Variants in BMP2K observed in about 807,000 individuals in gnomAD.
BMP2K encodes BMP2 inducible kinase.
In BMP2K, 74 loss-of-function variants were observed where a neutral mutation model predicts 116.0. The ratio of observed to expected loss-of-function variants is 0.64; its 90% confidence interval spans 0.53 to 0.77. BMP2K has a LOEUF of 0.77. Ranked by LOEUF, BMP2K falls within the 30% of genes least tolerant of loss-of-function variation. The probability of loss-of-function intolerance (pLI) is 0.00; values close to 1 mark genes in which losing one functional copy is unlikely to be tolerated. For synonymous variants in BMP2K, 486 were observed against 502.5 expected (o/e 0.97, Z 0.44); for missense variants, 1,365 against 1,403.6 (o/e 0.97, Z 0.44).
At chr4:78,860,770 C>CTTTTTTTTTT (rs139384663) in intron 8 of BMP2K, among the ~76,000 whole-genome samples, 2 of 101,920 alleles carry the variant, frequency 2.0e-5, no homozygotes, top group Non-Finnish European at 3.8e-5. Flanking sequence ...GGTACCTTTC[C>CTTTTTTTTTT]TTTTTTTTTT....
chr4:78,914,579 A>C lies in BMP2K; in HGVS notation c.*2546A>C, dbSNP rs918083201. 8 of 151,944 alleles carry C rather than the reference A, an allele frequency of 5.3e-5. No homozygotes were observed. The highest frequency in any genetic ancestry group is 1.7e-4 in the African/African-American group (7 of 41,410). 9.4% of individuals were successfully genotyped at this position (151,944 alleles called of 1,614,324 possible). On this transcript the variant is annotated 3_prime_UTR_variant, in exon 16 of 16. Transcript: ENST00000502613. The stretch of plus-strand genomic sequence containing the variant: ...GTTATTCCCTTGTGAGAATTATGAG[A>C]ATAAAGCTCCCAAGATATGTGAAAG...
intron 15 of BMP2K, 64 bp from the exon 16 acceptor site, chr4:78,910,546 A>T (rs1734532884): frequency 7.7e-7 from 1 of 1,293,984 alleles, no homozygotes; most frequent in Non-Finnish European, 1.0e-6. Context: ...ACATATTAAC[A>T]TTTAGTGCAA....
At chr4:78,909,422 A>G (rs1734463807) in intron 15 of BMP2K, among the ~76,000 whole-genome samples, 1 of 151,976 alleles carries the variant, frequency 6.6e-6, no homozygotes, top group Non-Finnish European at 1.5e-5. Context: ...TCCATTATAC[A>G]TGGAATTTTG....
chr4:78,827,519 G>A (rs570922995), intron 2 of BMP2K, among the ~76,000 whole-genome samples: 1 of 152,242 alleles, frequency 6.6e-6, no homozygotes, highest in East Asian at 1.9e-4. Flanking sequence ...TTCATCCTAT[G>A]TCTGCACTGC....
chr4:78,794,915 T>C (rs1207255991), intron 1 of BMP2K, among the ~76,000 whole-genome samples: 1 of 152,200 alleles, frequency 6.6e-6, no homozygotes, highest in Non-Finnish European at 1.5e-5. Flanking sequence ...ATAAGAGGGA[T>C]TATATGAATA....
chr4:78,878,684 TTTTAA>T (rs761832386), intron 13 of BMP2K, 45 bp from the exon 14 acceptor site: 1 of 1,426,796 alleles, frequency 7.0e-7, no homozygotes, highest in East Asian at 2.4e-5. Flanking sequence ...TTTTTATTTA[TTTTAA>T]TTTTTCTTTC....
intron 9 of BMP2K, among the ~76,000 whole-genome samples, chr4:78,861,817 T>C (rs1405646146): frequency 6.6e-6 from 1 of 151,932 alleles, no homozygotes; most frequent in East Asian, 1.9e-4. Context: ...ATTTTTTTAA[T>C]TTAAGGAAAG....
chr4:78,896,126 T>C (rs1733686795), intron 15 of BMP2K, among the ~76,000 whole-genome samples: 1 of 152,144 alleles, frequency 6.6e-6, no homozygotes, highest in Non-Finnish European at 1.5e-5. Context: ...TTTATGAATC[T>C]ATAACCTAAC....
chr4:78,837,047 T>G (rs917484008), intron 3 of BMP2K, among the ~76,000 whole-genome samples: 2 of 152,164 alleles, frequency 1.3e-5, no homozygotes, highest in Non-Finnish European at 2.9e-5. Flanking sequence ...TCAAATGTTC[T>G]GAGCTTTCTA....
intron 8 of BMP2K, among the ~76,000 whole-genome samples, chr4:78,860,928 T>C (rs974936904): frequency 2.0e-5 from 3 of 151,824 alleles, no homozygotes; most frequent in East Asian, 1.9e-4. Context: ...GAACTAAACA[T>C]TGGGTATAGA....
chr4:78,859,891 TGCA>T (rs1226268694), intron 8 of BMP2K: 14 of 573,578 alleles, frequency 2.4e-5, no homozygotes, highest in Admixed American at 1.8e-4. Flanking sequence ...CTTGGGGAGC[TGCA>T]GCAGACTCAG....
Position 78,861,393 on chromosome 4 carries a change from C to A in BMP2K, c.992C>A (p.Ser331Tyr), listed in dbSNP as rs1731781027. 2 of 1,592,202 alleles carry A rather than the reference C, an allele frequency of 1.3e-6. No individual in the cohort carries two copies. The highest frequency in any genetic ancestry group is 1.1e-5 in the South Asian group (1 of 87,522). The change falls in exon 9 of 16, where the codon TCT becomes TAT. Residue 331 changes from serine (S) to tyrosine (Y), a missense_variant. Ser to Tyr is a moderately radical substitution (Grantham distance 144). Transcript: ENST00000502613. ...KDCPVSNINN[S>Y]SIPSALPEPM... ...TTTTATTTTTTTTCTTCCAAGAATTCTTCTATTCCTTCAGCTCTTCCTGAA... is the reference window on the plus strand; with the variant it reads ...TTTTATTTTTTTTCTTCCAAGAATTATTCTATTCCTTCAGCTCTTCCTGAA...
At chr4:78,848,002 A>G (rs916867578) in intron 6 of BMP2K, among the ~76,000 whole-genome samples, 4 of 151,684 alleles carry the variant, frequency 2.6e-5, no homozygotes, top group Non-Finnish European at 5.9e-5. Flanking sequence ...AGAAAAGGTC[A>G]GATTTATTTT....
intron 1 of BMP2K, among the ~76,000 whole-genome samples, chr4:78,815,006 A>G (rs1729266290): frequency 6.6e-6 from 1 of 152,148 alleles, no homozygotes; most frequent in African/African-American, 2.4e-5. Context: ...TGAACACTCC[A>G]ACTTTAAGAG....
At chr4:78,840,345 A>T (rs1730699142) in intron 3 of BMP2K, among the ~76,000 whole-genome samples, 1 of 152,142 alleles carries the variant, frequency 6.6e-6, no homozygotes, top group Non-Finnish European at 1.5e-5. Context: ...CAGAGCTCCC[A>T]TACAAAGGGA....
At chr4:78,827,903 C>A (rs1230287036) in intron 2 of BMP2K, among the ~76,000 whole-genome samples, 2 of 152,208 alleles carry the variant, frequency 1.3e-5, no homozygotes, top group East Asian at 3.8e-4. Context: ...GTCTGTAAAC[C>A]ATGTCACTCC....
At chr4:78,909,584 A>G (rs1434763587) in intron 15 of BMP2K, among the ~76,000 whole-genome samples, 2 of 152,000 alleles carry the variant, frequency 1.3e-5, no homozygotes, top group Non-Finnish European at 2.9e-5. Flanking sequence ...AGCCCCTTAA[A>G]TATGTCTTTA....
At chr4:78,833,738 G>A in intron 3 of BMP2K, 51 bp downstream of exon 3, 1 of 1,196,372 alleles carries the variant, frequency 8.4e-7, no homozygotes, top group Non-Finnish European at 1.2e-6. Flanking sequence ...TCCTTAAATG[G>A]GTTACTAGGT....
In BMP2K at chr4:78,865,649, T is replaced by G. The variant is rs755914521; in HGVS notation, c.1160T>G (p.Leu387Arg). Residue 387 changes from leucine (L) to arginine (R), a missense_variant, in exon 10 of 16, where the codon CTG becomes CGG. By Grantham distance (102) the Leu-to-Arg change is moderately radical (BLOSUM62 -2). Coordinates refer to ENST00000502613, the MANE Select transcript of BMP2K (RefSeq NM_198892.2). ...NSATTATPSV[L>R]TIQSSATPVK... ...GCTACTACTGCCACTCCCAGTGTGC[T>G]GACCATTCAAAGTTCAGCAACACCT... 12 of 1,614,172 alleles carry G rather than the reference T, an allele frequency of 7.4e-6. No individual in the cohort carries two copies. Among genetic ancestry groups the G allele is most frequent in the Non-Finnish European group, 1.0e-5 (12 of 1,180,006 alleles).
Sources: gnomAD v4.1 joint callset for allele counts (sites outside exome capture counted in the v4.1 genomes callset) on GRCh38, gnomAD v4.1.1 for gene constraint, MANE v1.5 for transcripts, NCBI Gene and HGNC (gene_info 2026-07-23, HGNC 2026-07-21) for gene names.